Variants in SRGAP2 observed in about 807,000 individuals in gnomAD.
SRGAP2 encodes the protein SLIT-ROBO Rho GTPase activating protein 2, also known as SLIT-ROBO Rho GTPase-activating protein 2.
In SRGAP2, 15 loss-of-function variants were observed where a neutral mutation model predicts 57.2. That is an observed-to-expected ratio of 0.26 (90% CI 0.18 to 0.40). The LOEUF is 0.40. SRGAP2 is among the 10% of genes least tolerant of loss of function. The pLI is 1.00. For synonymous variants in SRGAP2, 249 were observed against 248.0 expected, an observed-to-expected ratio of 1.00 and a Z score of -0.04; for missense variants, 520 against 669.6, an observed-to-expected ratio of 0.78 and a Z score of 2.47.
At chr1:206,351,115 G>A (rs1228006042) in intron 4 of SRGAP2, among the ~76,000 whole-genome samples, 1 of 152,224 alleles carries the variant, frequency 6.6e-6, no homozygotes, top group East Asian at 1.9e-4. Context: ...CTTGAGTCCA[G>A]CTGTTTGGCA....
intron 2 of SRGAP2, among the ~76,000 whole-genome samples, chr1:206,270,199 AG>A (rs1670111707): frequency 1.1e-5 from 1 of 94,390 alleles, no homozygotes; most frequent in East Asian, 3.2e-4. Context: ...AAATGAGTAA[AG>A]AACATGAACT....
intron 2 of SRGAP2, among the ~76,000 whole-genome samples, chr1:206,294,428 A>G: frequency 1.5e-5 from 1 of 68,902 alleles, no homozygotes; most frequent in Admixed American, 1.4e-4. Context: ...AGAAAACTAC[A>G]GTCAAAAGGA....
At chr1:206,289,447 G>T (rs1395094520) in intron 2 of SRGAP2, among the ~76,000 whole-genome samples, 2 of 147,918 alleles carry the variant, frequency 1.4e-5, no homozygotes, top group Non-Finnish European at 3.1e-5. Context: ...TACTTTTTTT[G>T]TATTTTTTTT....
intron 2 of SRGAP2, among the ~76,000 whole-genome samples, chr1:206,241,093 AG>A (rs1246763373): frequency 3.9e-5 from 6 of 152,204 alleles, no homozygotes; most frequent in Non-Finnish European, 8.8e-5. Context: ...CTGAGGCAGG[AG>A]GATCACCTAA....
At chr1:206,310,201 A>G (rs1164440305) in intron 3 of SRGAP2, among the ~76,000 whole-genome samples, 11 of 151,528 alleles carry the variant, frequency 7.3e-5, no homozygotes, top group Admixed American at 5.2e-4. Flanking sequence ...GCAATTTCAT[A>G]TGGTACAGCC....
chr1:206,306,839 G>A (rs1571806936), intron 3 of SRGAP2, among the ~76,000 whole-genome samples: 2 of 150,404 alleles, frequency 1.3e-5, no homozygotes, highest in African/African-American at 2.4e-5. Context: ...TGATTGGTGT[G>A]TTTACAAACC....
At chr1:206,248,610 G>A (rs1553310483) in intron 2 of SRGAP2, among the ~76,000 whole-genome samples, 1 of 151,898 alleles carries the variant, frequency 6.6e-6, no homozygotes, top group African/African-American at 2.4e-5. Context: ...TCCTCATTAT[G>A]TGCCAAGTAC....
intron 2 of SRGAP2, among the ~76,000 whole-genome samples, chr1:206,262,811 A>G (rs1412361293): frequency 2.1e-4 from 28 of 136,382 alleles, no homozygotes; most frequent in African/African-American, 6.9e-4. Flanking sequence ...TTTTGTTCGC[A>G]TGTATTACTT....
chr1:206,221,183 G>A (rs1476806831), intron 2 of SRGAP2, among the ~76,000 whole-genome samples: 4 of 148,430 alleles, frequency 2.7e-5, no homozygotes, highest in East Asian at 1.9e-4. Context: ...CTCATGATCC[G>A]CCTGCCTCAG....
chr1:206,458,378 C>G (rs1664006198), intron 21 of SRGAP2: 1 of 680,256 alleles, frequency 1.5e-6, no homozygotes, highest in South Asian at 1.5e-5. Flanking sequence ...CAGCAACTTA[C>G]ATCTTGACAA....
chr1:206,441,069 A>G (rs1553371871), intron 17 of SRGAP2, among the ~76,000 whole-genome samples: 1 of 152,214 alleles, frequency 6.6e-6, no homozygotes. Context: ...TGGATTATAC[A>G]TAGAATATGG....
intron 13 of SRGAP2, among the ~76,000 whole-genome samples, chr1:206,422,720 C>T (rs1660425199): frequency 6.6e-6 from 1 of 152,146 alleles, no homozygotes; most frequent in Non-Finnish European, 1.5e-5. Flanking sequence ...TGATATGTGC[C>T]CTTGGTTGGG....
chr1:206,431,134 C>A (rs1283653045), intron 14 of SRGAP2, among the ~76,000 whole-genome samples: 2 of 152,110 alleles, frequency 1.3e-5, no homozygotes, highest in African/African-American at 4.8e-5. Context: ...TGCTCAGGTT[C>A]ATTTTTGGAA....
At chr1:206,449,133 C>A (rs1553374883) in intron 18 of SRGAP2, among the ~76,000 whole-genome samples, 1 of 152,122 alleles carries the variant, frequency 6.6e-6, no homozygotes, top group Non-Finnish European at 1.5e-5. Flanking sequence ...AGAGGAAGAA[C>A]TTTAGAAATG....
At chr1:206,413,393 C>G (rs576567426) in intron 10 of SRGAP2, among the ~76,000 whole-genome samples, 1 of 152,094 alleles carries the variant, frequency 6.6e-6, no homozygotes, top group Admixed American at 6.6e-5. Flanking sequence ...GATATTACCC[C>G]GGGAAGAATG....
At chr1:206,437,071 A>G in intron 15 of SRGAP2, 29 bp downstream of exon 15, 1 of 780,314 alleles carries the variant, frequency 1.3e-6, no homozygotes, top group Non-Finnish European at 2.4e-6. Flanking sequence ...AGATAAAACC[A>G]AATATTTGCC....
rs534857553 is a variant in SRGAP2, at chr1:206,449,333, C to A, written c.2100-1053C>A. On this transcript the variant is annotated intron_variant, in intron 18 of 22. Transcript: ENST00000573034. ...TTTAGACAGGATCTTGCTCTGTCAC[C>A]CAGGCCAGAGTGCAGTGGCACGATC... 4.0e-5 allele frequency among the ~76,000 whole-genome samples: 6 copies of A among 149,022 alleles called. No individual in the cohort carries two copies. In the South Asian group the frequency reaches 1.1e-3, roughly 26 times the overall value.
intron 3 of SRGAP2, among the ~76,000 whole-genome samples, chr1:206,306,852 G>A (rs1336593956): frequency 6.6e-6 from 1 of 151,962 alleles, no homozygotes; most frequent in African/African-American, 2.4e-5. Context: ...TACAAACCTT[G>A]AGCTAGATAC....
At chr1:206,445,439 C>T (rs1662672538) in intron 17 of SRGAP2, among the ~76,000 whole-genome samples, 1 of 152,226 alleles carries the variant, frequency 6.6e-6, no homozygotes, top group African/African-American at 2.4e-5. Flanking sequence ...TGAAAAAATC[C>T]TGAATGTAAT....
Sources: gnomAD v4.1 joint callset for allele counts (sites outside exome capture counted in the v4.1 genomes callset) on GRCh38, gnomAD v4.1.1 for gene constraint, MANE v1.5 for transcripts, NCBI Gene and HGNC (gene_info 2026-07-23, HGNC 2026-07-21) for gene names.